PRUNE2: variants seen among roughly 807,000 people sequenced by gnomAD.
PRUNE2 encodes the protein prune homolog 2 with BCH domain.
PRUNE2 carries 164 observed loss-of-function variants against 252.0 expected under a neutral mutation model. The observed-to-expected ratio is 0.65, with a 90% CI of 0.57 to 0.74. PRUNE2 has a LOEUF of 0.74. Among genes scored for constraint, PRUNE2 ranks in the 30% least tolerant of loss-of-function variants. The probability of loss-of-function intolerance (pLI) is 0.00; values close to 1 mark genes in which losing one functional copy is unlikely to be tolerated. For missense variants in PRUNE2, 3,495 were observed against 3,711.0 expected (o/e 0.94, Z 1.51); for synonymous variants, 1,292 against 1,350.2 (o/e 0.96, Z 0.94).
At chr9:76,830,765 A>T (rs1402014854) in intron 4 of PRUNE2, among the ~76,000 whole-genome samples, 1 of 152,140 alleles carries the variant, frequency 6.6e-6, no homozygotes, top group Non-Finnish European at 1.5e-5. Context: ...TAAAAAAATT[A>T]TGGAGAGAAA....
intron 6 of PRUNE2, among the ~76,000 whole-genome samples, chr9:76,743,962 G>C (rs1428944889): frequency 6.6e-6 from 1 of 152,184 alleles, no homozygotes; most frequent in African/African-American, 2.4e-5. Flanking sequence ...GGAAATGAGA[G>C]AATAGTAAAA....
At chr9:76,806,142 T>G (rs920261835) in intron 6 of PRUNE2, among the ~76,000 whole-genome samples, 1 of 152,130 alleles carries the variant, frequency 6.6e-6, no homozygotes, top group African/African-American at 2.4e-5. Flanking sequence ...CCAGAGAACT[T>G]ACTAGAAATA....
intron 6 of PRUNE2, among the ~76,000 whole-genome samples, chr9:76,796,666 G>A (rs2056117527): frequency 6.6e-6 from 1 of 152,190 alleles, no homozygotes; most frequent in Non-Finnish European, 1.5e-5. Flanking sequence ...ACTGCCACAT[G>A]GGATGTCCGG....
At chr9:76,831,383 C>T (rs560968609) in intron 4 of PRUNE2, among the ~76,000 whole-genome samples, 11 of 152,116 alleles carry the variant, frequency 7.2e-5, no homozygotes, top group African/African-American at 2.7e-4. Context: ...AAAAGAAAAA[C>T]ATTGGACAAT....
At chr9:76,808,454 G>A (rs373772375) in intron 6 of PRUNE2, 4 of 152,302 alleles carry the variant, frequency 2.6e-5, no homozygotes, top group African/African-American at 7.2e-5. Context: ...ATCTGAGTCC[G>A]GTTGTGCCTC....
At chr9:76,640,548 G>A (rs970882078) in intron 12 of PRUNE2, among the ~76,000 whole-genome samples, 2 of 144,346 alleles carry the variant, frequency 1.4e-5, no homozygotes, top group Admixed American at 7.4e-5. Context: ...AGAGAGCAAC[G>A]TAGTAGCTTC....
chr9:76,662,823 G>C (rs1422810589), intron 9 of PRUNE2, among the ~76,000 whole-genome samples: 1 of 152,184 alleles, frequency 6.6e-6, no homozygotes, highest in Non-Finnish European at 1.5e-5. Context: ...ATTACATAAA[G>C]AGAAATATCT....
chr9:76,880,324 G>A (rs1034601466), intron 1 of PRUNE2, among the ~76,000 whole-genome samples: 3 of 152,264 alleles, frequency 2.0e-5, no homozygotes, highest in Non-Finnish European at 2.9e-5. Flanking sequence ...CAGACCGCAG[G>A]GGGGTCCCTG....
chr9:76,706,558 G>T lies in PRUNE2; in HGVS notation c.5716C>A (p.Gln1906Lys), dbSNP rs1175953536. The change falls in exon 8 of 19, where the codon CAA becomes AAA. Residue 1906 changes from glutamine (Q) to lysine (K), a missense_variant. Physicochemically the swap from Gln to Lys is moderately conservative, Grantham distance 53 (BLOSUM62 1). Coordinates refer to ENST00000376718, the MANE Select transcript of PRUNE2 (RefSeq NM_015225.3). ...TGCCTTGGTTGAATGTTCCAGAGTT[G>T]CTCATGGGAGTTCTTCCCATTACCT... ...LEGNGKNSHEQLWNIQPRQPD... is the reference protein window; with the variant it reads ...LEGNGKNSHEKLWNIQPRQPD... 1 of 1,613,936 alleles carries T rather than the reference G, an allele frequency of 6.2e-7. No homozygotes were observed. The highest frequency in any genetic ancestry group is 1.1e-5 in the South Asian group (1 of 91,070).
intron 6 of PRUNE2, among the ~76,000 whole-genome samples, chr9:76,799,759 TTTG>T (rs552715181): frequency 2.8e-4 from 43 of 152,344 alleles, no homozygotes; most frequent in African/African-American, 9.4e-4. Context: ...AAAACTCTGT[TTTG>T]TTTAGTAGCA....
chr9:76,718,955 G>C (rs1167861977), intron 6 of PRUNE2, among the ~76,000 whole-genome samples: 1 of 151,900 alleles, frequency 6.6e-6, no homozygotes, highest in Non-Finnish European at 1.5e-5. Flanking sequence ...TATTAACATT[G>C]CCTTTAAAAT....
chr9:76,637,009 G>GTA (rs764144196), intron 14 of PRUNE2, among the ~76,000 whole-genome samples: 23,593 of 150,304 alleles, frequency 0.16, 2,109 homozygotes, highest in Non-Finnish European at 0.2. Flanking sequence ...GTGTGTGTGT[G>GTA]TATAATTTTA....
At chr9:76,814,921 C>T (rs895926812) in intron 6 of PRUNE2, among the ~76,000 whole-genome samples, 2 of 152,210 alleles carry the variant, frequency 1.3e-5, no homozygotes, top group Non-Finnish European at 2.9e-5. Flanking sequence ...GCATGCATCT[C>T]CTCCCATAGT....
At chr9:76,631,206 TAA>T (rs1441727636) in intron 15 of PRUNE2, among the ~76,000 whole-genome samples, 1 of 152,208 alleles carries the variant, frequency 6.6e-6, no homozygotes, top group African/African-American at 2.4e-5. Flanking sequence ...ACGGTTTTGA[TAA>T]AAGACTGAGT....
In PRUNE2 at chr9:76,644,854, C is replaced by A. The variant is rs199622523; in HGVS notation, c.8613G>T (p.Thr2871=). ...GQESESIPEY[T]AEEEREDNRL... The stretch of plus-strand genomic sequence containing the variant: ...GGTTGTCCTCCCGTTCCTCTTCGGC[C>A]GTATATTCTGGAATAGACTCTGACT... Residue 2871 remains threonine (T), a synonymous_variant, in exon 12 of 19, where the codon ACG becomes ACT. Coordinates refer to ENST00000376718, the MANE Select transcript of PRUNE2 (RefSeq NM_015225.3). 1 of 1,613,840 alleles carries A rather than the reference C, an allele frequency of 6.2e-7. No homozygotes were observed. Among genetic ancestry groups the A allele is most frequent in the Non-Finnish European group, 8.5e-7 (1 of 1,179,834 alleles).
intron 6 of PRUNE2, among the ~76,000 whole-genome samples, chr9:76,804,312 G>A (rs139830914): frequency 5.3e-4 from 81 of 152,316 alleles, no homozygotes; most frequent in Middle Eastern, 3.4e-3. Flanking sequence ...TTGACCGATT[G>A]ATGCCCCCGC....
intron 6 of PRUNE2, chr9:76,758,894 C>T (rs2051417438): frequency 6.6e-6 from 1 of 152,090 alleles, no homozygotes; most frequent in Admixed American, 6.5e-5. Flanking sequence ...TCCATGATCA[C>T]CCTTGACCAG....
intron 1 of PRUNE2, among the ~76,000 whole-genome samples, chr9:76,892,554 T>G (rs1225077005): frequency 7.9e-5 from 12 of 152,236 alleles, no homozygotes; most frequent in Admixed American, 7.8e-4. Flanking sequence ...GTAGGTCTTC[T>G]TTATTAAACT....
intron 6 of PRUNE2, among the ~76,000 whole-genome samples, chr9:76,754,964 CAAAAAAAAA>C (rs11292120): frequency 1.6e-4 from 11 of 67,964 alleles, no homozygotes; most frequent in Non-Finnish European, 1.5e-4. Context: ...GACTCGGTCT[CAAAAAAAAA>C]AAAAAAAAAA....
Sources: gnomAD v4.1 joint callset for allele counts (sites outside exome capture counted in the v4.1 genomes callset) on GRCh38, gnomAD v4.1.1 for gene constraint, MANE v1.5 for transcripts, NCBI Gene and HGNC (gene_info 2026-07-23, HGNC 2026-07-21) for gene names.